The following C1orf198 variants were observed in gnomAD, a reference collection of about 807,000 sequenced individuals.
C1orf198 encodes the protein uncharacterized protein C1orf198.
A neutral mutation model predicts 31.4 loss-of-function variants in C1orf198; 17 were observed. The observed-to-expected ratio is 0.54, with a 90% confidence interval of 0.37 to 0.81. The LOEUF (loss-of-function observed/expected upper bound fraction) is 0.81, where lower values mean the gene tolerates loss of function less well. C1orf198 is among the 40% of genes least tolerant of loss of function. The pLI is 0.00. For missense variants in C1orf198, 401 were observed against 450.3 expected (o/e 0.89, Z 0.99); for synonymous variants, 175 against 193.8 (o/e 0.90, Z 0.81).
chr1:230,856,817 G>A (rs1669885032), intron 1 of C1orf198, among the ~76,000 whole-genome samples: 1 of 152,214 alleles, frequency 6.6e-6, no homozygotes, highest in East Asian at 1.9e-4. Context: ...GGTGATTTAT[G>A]TCCTTCCGTA....
Position 230,843,546 on chromosome 1 carries a change from G to C in C1orf198, c.735C>G (p.Pro245=), listed in dbSNP as rs1669506282. The change falls in exon 3 of 4, where the codon CCC becomes CCG. Residue 245 remains proline, a synonymous_variant. Coordinates refer to ENST00000366663, the MANE Select transcript of C1orf198 (RefSeq NM_032800.3). The surrounding 1 kb of genome is among the most constrained non-coding windows in gnomAD (Gnocchi z 4.9). ...PKDREAKVER[P]STLRQEQRPL... is the part of the protein sequence containing the mutation. ...GACGCTGCTCCTGACGGAGGGTGCT[G>C]GGCCTTTCCACCTTGGCCTCCCTGT... The C allele has an allele frequency of 1.2e-6, 2 of 1,613,422 alleles. No individual in the cohort carries two copies.
At chr1:230,844,040 C>T in intron 2 of C1orf198, 144 bp from the exon 3 acceptor site, 2 of 857,844 alleles carry the variant, frequency 2.3e-6, no homozygotes, top group Non-Finnish European at 3.5e-6. Flanking sequence ...CTGGAACTGT[C>T]TGTCCTGAGT....
intron 2 of C1orf198, among the ~76,000 whole-genome samples, chr1:230,855,151 G>A (rs1182514395): frequency 6.6e-6 from 1 of 152,222 alleles, no homozygotes; most frequent in Non-Finnish European, 1.5e-5. Flanking sequence ...ATGCTCTTAA[G>A]CAACTCTGGT....
chr1:230,862,872 G>A (rs965804397), intron 1 of C1orf198, among the ~76,000 whole-genome samples: 16 of 152,172 alleles, frequency 1.1e-4, no homozygotes, highest in African/African-American at 3.4e-4. Flanking sequence ...TGGTAACGAC[G>A]TGTCCATGTA....
Position 230,843,282 on chromosome 1 carries a change from T to G in C1orf198, c.927+72A>C. The G allele has an allele frequency of 6.7e-7, 1 of 1,498,684 alleles. No individual in the cohort carries two copies. The highest frequency in any genetic ancestry group is 9.0e-7 in the Non-Finnish European group (1 of 1,114,956). The allele number at this position is 1,498,684 out of a possible 1,614,324, so 92.8% of individuals were successfully genotyped here. A position where few individuals can be genotyped will look rare whatever the true frequency, so the allele number is the denominator to read the frequency against. On this transcript the variant is annotated intron_variant, in intron 3 of 3. Transcript: ENST00000366663. The surrounding 1 kb of genome is among the most constrained non-coding windows in gnomAD (Gnocchi z 4.9). ...GGGCACCTGTGGCCTGCCTGCTTTG[T>G]GGGGGACCCTCTCGGTTCCCGTGGA...
chr1:230,861,564 C>T (rs1670004768), intron 1 of C1orf198, among the ~76,000 whole-genome samples: 1 of 152,234 alleles, frequency 6.6e-6, no homozygotes, highest in African/African-American at 2.4e-5. Context: ...GTGCAACGGG[C>T]CATGGTGGAG....
At chr1:230,868,156 G>A (rs2102996228) in intron 1 of C1orf198, 24 bp downstream of exon 1, 6 of 1,411,934 alleles carry the variant, frequency 4.2e-6, no homozygotes, top group Non-Finnish European at 5.5e-6. Flanking sequence ...GGGGAAGAGG[G>A]TCCGCGGCCA....
chr1:230,858,531 G>C (rs936183200), intron 1 of C1orf198, among the ~76,000 whole-genome samples: 1 of 152,118 alleles, frequency 6.6e-6, no homozygotes, highest in East Asian at 1.9e-4. Context: ...CCATCCACAG[G>C]GTAGAGTAGA....
intron 1 of C1orf198, among the ~76,000 whole-genome samples, chr1:230,867,069 T>C (rs1670137376): frequency 6.6e-6 from 1 of 152,168 alleles, no homozygotes; most frequent in Non-Finnish European, 1.5e-5. Flanking sequence ...CTCCTTAACT[T>C]GAATTCCATC....
At chr1:230,845,591 G>A (rs1049394136) in intron 2 of C1orf198, among the ~76,000 whole-genome samples, 3 of 151,904 alleles carry the variant, frequency 2.0e-5, no homozygotes, top group African/African-American at 4.8e-5. Flanking sequence ...GCTGAGGCAG[G>A]AGAATCGCTT....
At chr1:230,854,722 T>C (rs1669831774) in intron 2 of C1orf198, among the ~76,000 whole-genome samples, 1 of 152,092 alleles carries the variant, frequency 6.6e-6, no homozygotes, top group Non-Finnish European at 1.5e-5. Flanking sequence ...CCTTGGGCAA[T>C]ATTTCATTTT....
chr1:230,860,984 A>G (rs1669992621), intron 1 of C1orf198, among the ~76,000 whole-genome samples: 1 of 152,236 alleles, frequency 6.6e-6, no homozygotes, highest in African/African-American at 2.4e-5. Flanking sequence ...AAGGCTACAT[A>G]TTGTATGATT....
chr1:230,859,218 C>T (rs982088696), intron 1 of C1orf198, among the ~76,000 whole-genome samples: 1 of 152,100 alleles, frequency 6.6e-6, no homozygotes, highest in East Asian at 1.9e-4. Flanking sequence ...TGCAAAGTGG[C>T]GGCACCCACT....
intron 2 of C1orf198, among the ~76,000 whole-genome samples, chr1:230,848,889 G>T (rs973196331): frequency 3.9e-5 from 6 of 152,168 alleles, no homozygotes; most frequent in Admixed American, 2.0e-4. Context: ...GCAGGGCCAG[G>T]TGGGGGCCCA....
In C1orf198 at chr1:230,868,373, T is replaced by C. The variant is rs770618741; in HGVS notation, c.140A>G (p.Lys47Arg). The C allele has an allele frequency of 6.3e-7, 1 of 1,599,736 alleles. No homozygotes were observed. Among genetic ancestry groups the C allele is most frequent in the Non-Finnish European group, 8.5e-7 (1 of 1,173,810 alleles). The stretch of plus-strand genomic sequence containing the variant: ...CCCGTACTTCTCGCGGATCTTCTCC[T>C]TGTCCTGCATGATCTTCCTGGCCAT... ...SPMARKIMQDKEKIREKYGPE... is the reference protein window; with the variant it reads ...SPMARKIMQDREKIREKYGPE... Residue 47 changes from lysine (K) to arginine (R), a missense_variant, in exon 1 of 4, where the codon AAG (lysine) becomes AGG (arginine). Transcript: ENST00000366663.
chr1:230,868,048 C>A, intron 1 of C1orf198, 132 bp downstream of exon 1: 1 of 977,836 alleles, frequency 1.0e-6, no homozygotes, highest in Non-Finnish European at 1.4e-6. Context: ...CCCTCCCACC[C>A]ACTGCCATTC....
intron 2 of C1orf198, among the ~76,000 whole-genome samples, chr1:230,850,396 G>C (rs1407040814): frequency 6.6e-6 from 1 of 152,242 alleles, no homozygotes; most frequent in Non-Finnish European, 1.5e-5. Flanking sequence ...TGAGATTCCT[G>C]ATTGGGACAA....
intron 1 of C1orf198, chr1:230,856,061 A>G (rs1401292108): frequency 1.1e-6 from 1 of 951,806 alleles, no homozygotes; most frequent in Non-Finnish European, 1.3e-6. Context: ...GCCCTGAACA[A>G]TGATTAGCTG....
At chr1:230,860,824 T>C (rs1193934728) in intron 1 of C1orf198, among the ~76,000 whole-genome samples, 2 of 152,192 alleles carry the variant, frequency 1.3e-5, no homozygotes, top group Admixed American at 6.5e-5. Context: ...TGCACAACAT[T>C]GAGACTGTAC....
Sources: allele counts gnomAD v4.1 joint callset (sites outside exome capture counted in the v4.1 genomes callset), GRCh38; gene constraint gnomAD v4.1.1; non-coding constraint Gnocchi (gnomAD v3.1); transcripts MANE v1.5; gene names NCBI Gene and HGNC (gene_info 2026-07-23, HGNC 2026-07-21).